SEC14L1: variants seen among roughly 807,000 people sequenced by gnomAD.
SEC14L1 encodes the protein SEC14 like lipid binding 1.
Under a neutral mutation model 85.3 loss-of-function variants are expected in SEC14L1, and 48 were observed. The ratio of observed to expected loss-of-function variants is 0.56; its 90% CI spans 0.45 to 0.72. SEC14L1 has a LOEUF of 0.72. Ranked by LOEUF, SEC14L1 falls within the 30% of genes least tolerant of loss-of-function variation. The pLI is 0.00. For missense variants in SEC14L1, 682 were observed against 921.4 expected, an observed-to-expected ratio of 0.74 and a Z score of 3.36; for synonymous variants, 391 against 355.5, an observed-to-expected ratio of 1.10 and a Z score of -1.12.
chr17:77,187,806 G>A (rs997182809), intron 3 of SEC14L1, among the ~76,000 whole-genome samples: 4 of 149,622 alleles, frequency 2.7e-5, no homozygotes, highest in Admixed American at 6.7e-5. Context: ...GTGCAGTGGT[G>A]CAATCACAGG....
upstream of SEC14L1, among the ~76,000 whole-genome samples, chr17:77,137,181 T>A (rs1405809976): frequency 6.6e-6 from 1 of 152,188 alleles, no homozygotes; most frequent in Non-Finnish European, 1.5e-5. Flanking sequence ...AGTGCTGGGA[T>A]TACAAGCGTG....
chr17:77,174,885 T>TA (rs1332044909), intron 3 of SEC14L1, among the ~76,000 whole-genome samples: 2 of 152,270 alleles, frequency 1.3e-5, no homozygotes, highest in Admixed American at 1.3e-4. Flanking sequence ...AAGGGGTTTT[T>TA]ATCCCTAACG....
At chr17:77,099,745 G>C (rs529135744) in intron 3 of SEC14L1, among the ~76,000 whole-genome samples, 1 of 152,194 alleles carries the variant, frequency 6.6e-6, no homozygotes, top group Admixed American at 6.5e-5. Flanking sequence ...GACAGAGTGA[G>C]ACTCTCTCAA....
At chr17:77,196,149 G>T (rs537426791) in intron 7 of SEC14L1, 53 bp from the exon 8 acceptor site, 2 of 1,407,050 alleles carry the variant, frequency 1.4e-6, no homozygotes, top group African/African-American at 2.8e-5. Flanking sequence ...AAGACTTTGG[G>T]AGCCTAAAGC....
chr17:77,125,798 C>T (rs1212894487), intron 3 of SEC14L1, among the ~76,000 whole-genome samples: 1 of 152,072 alleles, frequency 6.6e-6, no homozygotes, highest in African/African-American at 2.4e-5. Flanking sequence ...CCAGGATGTA[C>T]AAATCTTGAA....
intron 3 of SEC14L1, among the ~76,000 whole-genome samples, chr17:77,183,826 C>T (rs1429996877): frequency 6.9e-6 from 1 of 145,704 alleles, no homozygotes; most frequent in African/African-American, 2.6e-5. Flanking sequence ...TCTTTCAAGA[C>T]TCTGACATTT....
chr17:77,095,461 A>G lies in SEC14L1; in HGVS notation c.-136+2114A>G, dbSNP rs551658555. Among the ~76,000 whole-genome samples, 3 of 152,332 alleles carry G rather than the reference A, an allele frequency of 2.0e-5. No individual in the cohort carries two copies. In the South Asian group the frequency reaches 6.2e-4, roughly 32 times the overall value. ...GTCTCTGCATGAAGTGTCTGCAGAC[A>G]CACTGCCTGAAAGTGGCTCCTTAAC... On this transcript the variant is annotated intron_variant, in intron 3 of 19. Coordinates refer to the SEC14L1 transcript ENST00000392476.
intron 3 of SEC14L1, among the ~76,000 whole-genome samples, chr17:77,164,677 T>C (rs1974210251): frequency 6.6e-6 from 1 of 151,990 alleles, no homozygotes; most frequent in Non-Finnish European, 1.5e-5. Context: ...AAAGGACACT[T>C]GGATAGCTGA....
In SEC14L1 at chr17:77,194,976, C is replaced by G. The variant is rs1567924379; in HGVS notation, c.709+65C>G. On this transcript the variant is annotated intron_variant, in intron 7 of 16. Coordinates refer to ENST00000436233, the MANE Select transcript of SEC14L1 (RefSeq NM_001143998.2). ...GGAAGTCGGCGTTGCCGTTTTCTCTCTGTTTGCTCTGCCTGTTCCCGCTTC... is the reference window on the plus strand; with the variant it reads ...GGAAGTCGGCGTTGCCGTTTTCTCTGTGTTTGCTCTGCCTGTTCCCGCTTC... 3 of 1,171,024 alleles carry G rather than the reference C, an allele frequency of 2.6e-6. No individual in the cohort carries two copies. The Admixed American group carries it at 5.8e-5, about 23-fold the overall frequency. 72.5% of individuals were successfully genotyped at this position (1,171,024 alleles called of 1,614,324 possible).
chr17:77,191,063 C>T, intron 4 of SEC14L1, 111 bp downstream of exon 4: 2 of 1,531,948 alleles, frequency 1.3e-6, no homozygotes, highest in Non-Finnish European at 1.8e-6. Flanking sequence ...GAGAGGGCGT[C>T]CTGGAGGGAG....
intron 3 of SEC14L1, among the ~76,000 whole-genome samples, chr17:77,122,705 C>T (rs1972331219): frequency 1.3e-5 from 2 of 152,228 alleles, no homozygotes; most frequent in South Asian, 4.1e-4. Flanking sequence ...CCTGACTCAC[C>T]CTGGGTTGTG....
intron 3 of SEC14L1, among the ~76,000 whole-genome samples, chr17:77,108,913 C>G (rs912305276): frequency 6.6e-6 from 1 of 151,736 alleles, no homozygotes; most frequent in African/African-American, 2.4e-5. Context: ...ACCTCTGCCT[C>G]CCGGTTTCAA....
At chr17:77,089,472 A>T in intron 2 of SEC14L1, 1 of 518,844 alleles carries the variant, frequency 1.9e-6, no homozygotes, top group Non-Finnish European at 3.8e-6. Context: ...TTTGATGATC[A>T]TGTATGATAC....
intron 3 of SEC14L1, among the ~76,000 whole-genome samples, chr17:77,164,072 T>G (rs559019417): frequency 5.6e-4 from 85 of 152,358 alleles, no homozygotes; most frequent in Non-Finnish European, 1.0e-3. Flanking sequence ...TGCCCACACT[T>G]ACTTTGTGGG....
In SEC14L1 at chr17:77,194,921, G is replaced by C. The variant is rs765138715; in HGVS notation, c.709+10G>C. ...GTGGGCACCCCTGACGGTGGGTCTG[G>C]CAGGGGCTTCATCCCGAGAGCAAGG... On this transcript the variant is annotated intron_variant, in intron 7 of 16. Coordinates refer to ENST00000436233, the MANE Select transcript of SEC14L1 (RefSeq NM_001143998.2). 58 of 1,599,186 alleles carry C rather than the reference G, an allele frequency of 3.6e-5. No homozygotes were observed. Among genetic ancestry groups the C allele is most frequent in the Non-Finnish European group, 4.7e-5 (55 of 1,166,652 alleles).
At chr17:77,156,504 G>A (rs889275841) in intron 3 of SEC14L1, among the ~76,000 whole-genome samples, 5 of 151,692 alleles carry the variant, frequency 3.3e-5, no homozygotes, top group Admixed American at 3.3e-4. Context: ...GAACCCAGGA[G>A]GCTGAGGTTG....
At chr17:77,120,845 C>T (rs187461098) in intron 3 of SEC14L1, among the ~76,000 whole-genome samples, 4 of 152,280 alleles carry the variant, frequency 2.6e-5, no homozygotes, top group African/African-American at 4.8e-5. Flanking sequence ...GCTGGGGCTC[C>T]GATGTGTGAC....
In SEC14L1 at chr17:77,206,766, C is replaced by A; in HGVS notation, c.1380C>A (p.Phe460Leu). The change falls in exon 13 of 17, where the codon TTC becomes TTA. Residue 460 changes from phenylalanine to leucine, a missense_variant. By Grantham distance (22) the Phe-to-Leu change is conservative. This residue lies in a region of SEC14L1 where 420 missense variants were observed against 619.5 expected (regional missense o/e 0.68). Transcript: ENST00000436233. This position sits in a 1 kb window ranked among gnomAD's most constrained non-coding sequence, Gnocchi z 4.3. ...TTGATGACAACACCAGAAGGAAGTT[C>A]CTCATTTATGCAGGAAATGACTACC... ...PFIDDNTRRK[F>L]LIYAGNDYQG... 1 of 1,612,530 alleles carries A rather than the reference C, an allele frequency of 6.2e-7. No individual in the cohort carries two copies. The highest frequency in any genetic ancestry group is 8.5e-7 in the Non-Finnish European group (1 of 1,179,558).
At position 77,213,862 on chromosome 17, in the gene SEC14L1, C is replaced by T. The variant is rs750205655; in HGVS notation, c.2043-56C>T. On this transcript the variant is annotated intron_variant, in intron 16 of 16. Transcript: ENST00000436233. This position sits in a 1 kb window ranked among gnomAD's most constrained non-coding sequence, Gnocchi z 7.1. ...ACGAAGTCCAGCAGGCAGTGTGGGCCGGCGGGTGGTTGGCAGGGTGGTCCT... is the reference window on the plus strand; with the variant it reads ...ACGAAGTCCAGCAGGCAGTGTGGGCTGGCGGGTGGTTGGCAGGGTGGTCCT... The T allele has an allele frequency of 3.2e-5, 51 of 1,599,746 alleles. No homozygotes were observed. Among genetic ancestry groups the T allele is most frequent in the South Asian group, 2.3e-4 (21 of 90,436 alleles).
Sources: allele counts gnomAD v4.1 joint callset (sites outside exome capture counted in the v4.1 genomes callset), GRCh38; gene constraint gnomAD v4.1.1; regional missense constraint gnomAD v4.1.1; non-coding constraint Gnocchi (gnomAD v3.1); transcripts MANE v1.5; gene names NCBI Gene and HGNC (gene_info 2026-07-23, HGNC 2026-07-21).